CD8A: variants seen among roughly 807,000 people sequenced by gnomAD.
CD8A encodes the protein CD8 subunit alpha.
In CD8A, 25 loss-of-function variants were observed where a neutral mutation model predicts 24.2. The observed-to-expected ratio is 1.03, with a 90% CI of 0.75 to 1.44. The LOEUF (loss-of-function observed/expected upper bound fraction) is 1.44. Among genes scored for constraint, CD8A ranks in the 40% most tolerant of loss-of-function variants. The pLI is 0.00. For missense variants in CD8A, 360 were observed against 319.7 expected (o/e 1.13, Z -0.96); for synonymous variants, 165 against 149.9 (o/e 1.10, Z -0.74).
upstream of CD8A, chr2:86,790,922 C>G: frequency 8.5e-7 from 1 of 1,174,548 alleles, no homozygotes. Context: ...TTGCGCCCTT[C>G]GGCCGGCCCG....
chr2:86,791,561 C>T (rs1235410002), upstream of CD8A: 3 of 454,206 alleles, frequency 6.6e-6, no homozygotes, highest in Non-Finnish European at 1.3e-5. Context: ...CAATTCACAC[C>T]AGTCTCTCTC....
chr2:86,787,898 A>AGTGTGTGTGTGTGT (rs34388912), intron 5 of CD8A, among the ~76,000 whole-genome samples: 2 of 144,476 alleles, frequency 1.4e-5, no homozygotes, highest in African/African-American at 2.6e-5. Context: ...AGAGAGAGAG[A>AGTGTGTGTGTGTGT]GTGTGTGTGT....
At chr2:86,805,828 C>A (rs1673830716) in intron 2 of CD8A, among the ~76,000 whole-genome samples, 1 of 152,090 alleles carries the variant, frequency 6.6e-6, no homozygotes, top group South Asian at 2.1e-4. Flanking sequence ...CCTCCTGAGT[C>A]CTGTCCTACT....
intron 4 of CD8A, 144 bp downstream of exon 4, chr2:86,789,179 A>G (rs1673153860): frequency 4.2e-6 from 3 of 714,574 alleles, no homozygotes; most frequent in Admixed American, 4.0e-5. Context: ...TCTCCCAGAA[A>G]GAAGTGCCTG....
At chr2:86,793,175 G>C (rs1034823401), upstream of CD8A, among the ~76,000 whole-genome samples, 1 of 152,214 alleles carries the variant, frequency 6.6e-6, no homozygotes, top group Non-Finnish European at 1.5e-5. Context: ...AGCAGATGAA[G>C]ATCCACCCCA....
intron 2 of CD8A, 102 bp from the exon 3 acceptor site, chr2:86,789,852 T>A (rs1455435324): frequency 4.6e-6 from 3 of 650,952 alleles, no homozygotes; most frequent in African/African-American, 3.9e-5. Context: ...CTCCCCCCGG[T>A]TTTCCTGGGA....
At chr2:86,794,820 T>C (rs13023213), upstream of CD8A, among the ~76,000 whole-genome samples, 29,460 of 152,148 alleles carry the variant, frequency 0.19, 3,121 homozygotes, top group Non-Finnish European at 0.25. Flanking sequence ...TCCTCTTGTC[T>C]GTCACCTTCT....
chr2:86,805,263 A>G (rs1673809522), intron 2 of CD8A, among the ~76,000 whole-genome samples: 2 of 152,210 alleles, frequency 1.3e-5, no homozygotes, highest in Admixed American at 6.5e-5. Flanking sequence ...CTAAACTACA[A>G]TGGACATCCT....
chr2:86,788,658 G>A (rs1361519557), intron 4 of CD8A, 98 bp from the exon 5 acceptor site: 1 of 1,159,188 alleles, frequency 8.6e-7, no homozygotes, highest in Non-Finnish European at 1.3e-6. Flanking sequence ...TGTTGCTGCT[G>A]TTTTTTGGTT....
rs895651429 is a variant in CD8A, at chr2:86,785,561, T to G, written c.*359A>C. 1.2e-5 allele frequency: 6 copies of G among 500,992 alleles called. No homozygotes were observed. Among genetic ancestry groups the G allele is most frequent in the Admixed American group, 1.1e-4 (5 of 43,862 alleles). 31.0% of individuals were successfully genotyped at this position (500,992 alleles called of 1,614,324 possible). On this transcript the variant is annotated 3_prime_UTR_variant, in exon 6 of 6. Coordinates refer to ENST00000283635, the MANE Select transcript of CD8A (RefSeq NM_001768.7). The stretch of plus-strand genomic sequence containing the variant: ...GCCTTTGATCAAGCTGTCTCTGGGC[T>G]TTAGCCTCCCCCTTTGTAAAACGGG...
chr2:86,787,898 A>AGAGTGTGT lies in CD8A; in HGVS notation c.656+631_656+632insACACACTC, dbSNP rs369993109. 4.4e-3 allele frequency among the ~76,000 whole-genome samples: 637 copies of AGAGTGTGT among 144,586 alleles called. 4 individuals carry two copies. Among genetic ancestry groups the AGAGTGTGT allele is most frequent in the African/African-American group, 0.015 (595 of 38,982 alleles). 94.9% of individuals were successfully genotyped at this position (144,586 alleles called of 152,430 possible). ...TTAACAGAGAGGGAGAGAGAGAGAG[A>AGAGTGTGT]GTGTGTGTGTGTGTGTGTGTGTGTG... On this transcript the variant is annotated intron_variant, in intron 5 of 5. Coordinates refer to ENST00000283635, the MANE Select transcript of CD8A (RefSeq NM_001768.7).
At chr2:86,794,093 G>A (rs561182599), upstream of CD8A, among the ~76,000 whole-genome samples, 1 of 152,304 alleles carries the variant, frequency 6.6e-6, no homozygotes, top group African/African-American at 2.4e-5. Context: ...AGAGGGCTGG[G>A]TTGGGCCTGT....
intron 1 of CD8A, 41 bp from the exon 2 acceptor site, chr2:86,790,722 G>GGCC: frequency 4.0e-6 from 6 of 1,487,786 alleles, no homozygotes; most frequent in Non-Finnish European, 5.4e-6. Context: ...GCAGTCCCGC[G>GGCC]CCCCCCGCCC....
rs1673625351 is a variant in CD8A, at chr2:86,800,267, G to C, written c.-271+1244C>G. Among the ~76,000 whole-genome samples, 4 of 151,898 alleles carry C rather than the reference G, an allele frequency of 2.6e-5. No individual in the cohort carries two copies. In the South Asian group the frequency reaches 8.3e-4, roughly 32 times the overall value. On this transcript the variant is annotated intron_variant, in intron 3 of 8. Transcript: ENST00000409511. ...AAGGTCAGGAGTTTGAGACTAGCCTGGCCAACATGGTGAAACCCCGTCTCT... is the reference window on the plus strand; with the variant it reads ...AAGGTCAGGAGTTTGAGACTAGCCTCGCCAACATGGTGAAACCCCGTCTCT...
rs1672979460 is a variant in CD8A, at chr2:86,785,903, G to A, written c.*17C>T. On this transcript the variant is annotated 3_prime_UTR_variant, in exon 6 of 6. Transcript: ENST00000283635. ...AAGGATCTCAGTTTGAAGTAATGTA[G>A]TGGCTGTTGCACAGGGTTAGACGTA... 1 of 1,594,030 alleles carries A rather than the reference G, an allele frequency of 6.3e-7. No homozygotes were observed. The highest frequency in any genetic ancestry group is 8.6e-7 in the Non-Finnish European group (1 of 1,161,604).
At chr2:86,799,337 G>A (rs930892406) in intron 3 of CD8A, among the ~76,000 whole-genome samples, 2 of 152,190 alleles carry the variant, frequency 1.3e-5, no homozygotes, top group Admixed American at 6.5e-5. Flanking sequence ...ATGCTCCAGA[G>A]GTGGGCACGT....
Position 86,790,475 on chromosome 2 carries a change from T to C in CD8A, c.256A>G (p.Thr86Ala). The C allele has an allele frequency of 6.2e-7, 1 of 1,613,856 alleles. No individual in the cohort carries two copies. The highest frequency in any genetic ancestry group is 1.7e-5 in the Admixed American group (1 of 60,002). The change falls in exon 2 of 6, where the codon ACC becomes GCC. Residue 86 changes from threonine (T) to alanine (A), a missense_variant. Coordinates refer to ENST00000283635, the MANE Select transcript of CD8A (RefSeq NM_001768.7). ...AACCTCTTGCCCGAGAACCGCTGGG[T>C]GTCCAGCCCCTCGGCCGCCTTGGGC... ...NKPKAAEGLD[T>A]QRFSGKRLGD... is the part of the protein sequence containing the mutation.
intron 2 of CD8A, among the ~76,000 whole-genome samples, chr2:86,806,192 G>A (rs1421249912): frequency 2.0e-5 from 3 of 152,168 alleles, no homozygotes; most frequent in Non-Finnish European, 4.4e-5. Flanking sequence ...AGCCCCCCGT[G>A]TGACTTTCCG....
intron 5 of CD8A, among the ~76,000 whole-genome samples, chr2:86,788,232 G>A (rs1488857697): frequency 6.9e-6 from 1 of 145,360 alleles, no homozygotes; most frequent in Non-Finnish European, 1.5e-5. Flanking sequence ...GATAAATTGG[G>A]GGAATCCCTC....
Sources: gnomAD v4.1 joint callset for allele counts (sites outside exome capture counted in the v4.1 genomes callset) on GRCh38, gnomAD v4.1.1 for gene constraint, MANE v1.5 for transcripts, NCBI Gene and HGNC (gene_info 2026-07-23, HGNC 2026-07-21) for gene names.